FMNL2: variants seen among roughly 807,000 people sequenced by gnomAD.
FMNL2 encodes formin-like protein 2.
In FMNL2, 51 loss-of-function variants were observed where a neutral mutation model predicts 130.2. The ratio of observed to expected loss-of-function variants is 0.39; its 90% CI spans 0.31 to 0.49. FMNL2 has a LOEUF of 0.49. FMNL2 is among the 20% of genes least tolerant of loss of function. The pLI, the probability that FMNL2 is intolerant of heterozygous loss-of-function variation, is 0.85. For synonymous variants in FMNL2, 465 were observed against 467.1 expected, an observed-to-expected ratio of 1.00 and a Z score of 0.06; for missense variants, 977 against 1,316.2, an observed-to-expected ratio of 0.74 and a Z score of 3.99.
intron 8 of FMNL2, among the ~76,000 whole-genome samples, chr2:152,580,586 A>G (rs1450385583): frequency 6.6e-6 from 1 of 152,164 alleles, no homozygotes; most frequent in Non-Finnish European, 1.5e-5. Flanking sequence ...CAAATACTTA[A>G]TCAATAGTTT....
At chr2:152,396,691 C>A (rs1298958359) in intron 1 of FMNL2, among the ~76,000 whole-genome samples, 1 of 151,936 alleles carries the variant, frequency 6.6e-6, no homozygotes, top group African/African-American at 2.4e-5. Flanking sequence ...TTTAACTCTC[C>A]CCTCTCTCCC....
At chr2:152,474,676 A>C (rs1690047669) in intron 1 of FMNL2, among the ~76,000 whole-genome samples, 1 of 151,814 alleles carries the variant, frequency 6.6e-6, no homozygotes, top group South Asian at 2.1e-4. Flanking sequence ...ATGGAGCAAG[A>C]CTCTGTCTAA....
chr2:152,588,715 T>C (rs1399368178), intron 9 of FMNL2, among the ~76,000 whole-genome samples: 1 of 152,018 alleles, frequency 6.6e-6, no homozygotes, highest in Non-Finnish European at 1.5e-5. Flanking sequence ...TTAAAGAGCT[T>C]AGGGCATGGG....
intron 1 of FMNL2, among the ~76,000 whole-genome samples, chr2:152,349,330 A>G (rs568333166): frequency 1.3e-5 from 2 of 152,308 alleles, no homozygotes; most frequent in Non-Finnish European, 2.9e-5. Flanking sequence ...ATTATCGTTG[A>G]TGCTCATGAC....
At chr2:152,479,343 C>A (rs940629834) in intron 1 of FMNL2, among the ~76,000 whole-genome samples, 1 of 152,118 alleles carries the variant, frequency 6.6e-6, no homozygotes, top group African/African-American at 2.4e-5. Flanking sequence ...TGAGGTATCA[C>A]CATGTTGCCT....
At chr2:152,554,684 A>G (rs774304986) in intron 4 of FMNL2, among the ~76,000 whole-genome samples, 3 of 152,184 alleles carry the variant, frequency 2.0e-5, no homozygotes, top group African/African-American at 4.8e-5. Context: ...TTTTGTTTGA[A>G]AGCTCAAAGT....
At chr2:152,368,936 G>C (rs1245511979) in intron 1 of FMNL2, among the ~76,000 whole-genome samples, 1 of 152,024 alleles carries the variant, frequency 6.6e-6, no homozygotes, top group East Asian at 1.9e-4. Flanking sequence ...TTTTGTGTGT[G>C]TGTTTTTTAA....
At chr2:152,535,701 C>T (rs1463085244) in intron 2 of FMNL2, among the ~76,000 whole-genome samples, 1 of 152,146 alleles carries the variant, frequency 6.6e-6, no homozygotes, top group Non-Finnish European at 1.5e-5. Context: ...TGTTTTCATC[C>T]AATAATGACC....
At chr2:152,609,542 T>A (rs1190800367) in intron 10 of FMNL2, among the ~76,000 whole-genome samples, 2 of 152,220 alleles carry the variant, frequency 1.3e-5, no homozygotes, top group Admixed American at 6.5e-5. Flanking sequence ...ACCATTTTGT[T>A]TCTTTAAAAA....
intron 1 of FMNL2, among the ~76,000 whole-genome samples, chr2:152,442,960 T>G (rs1688129793): frequency 1.3e-5 from 2 of 152,198 alleles, no homozygotes; most frequent in Admixed American, 1.3e-4. Context: ...CATACTCATT[T>G]AGAGGGATCG....
At chr2:152,632,676 A>T (rs1417764594) in intron 21 of FMNL2, among the ~76,000 whole-genome samples, 1 of 152,176 alleles carries the variant, frequency 6.6e-6, no homozygotes, top group African/African-American at 2.4e-5. Flanking sequence ...AGGTGAGAAA[A>T]TTGAGATTTT....
chr2:152,442,300 G>A (rs914246616), intron 1 of FMNL2, among the ~76,000 whole-genome samples: 5 of 150,488 alleles, frequency 3.3e-5, no homozygotes, highest in African/African-American at 1.2e-4. Flanking sequence ...TGCCCAGGCT[G>A]GAGTGCAATG....
intron 1 of FMNL2, among the ~76,000 whole-genome samples, chr2:152,370,161 C>T (rs987074115): frequency 2.0e-5 from 3 of 150,988 alleles, no homozygotes; most frequent in African/African-American, 7.3e-5. Context: ...GCTTGAACAA[C>T]AAACTTTGAT....
intron 12 of FMNL2, 37 bp from the exon 13 acceptor site, chr2:152,617,054 C>G: frequency 6.3e-7 from 1 of 1,575,272 alleles, no homozygotes; most frequent in Non-Finnish European, 8.7e-7. Context: ...TCAAGATGAT[C>G]CTGTATTGTG....
rs35773838 is a variant in FMNL2, at chr2:152,426,681, A to ATT, written c.117+90973_117+90974dup. 2.2e-3 allele frequency among the ~76,000 whole-genome samples: 322 copies of ATT among 148,022 alleles called. 1 individual carries two copies. Among genetic ancestry groups the ATT allele is most frequent in the African/African-American group, 6.9e-3 (280 of 40,494 alleles). The stretch of plus-strand genomic sequence containing the variant: ...ATTCTGATGGGCAGCTGATACTGAG[A>ATT]TTTTTTTTTTTTTGAGAAACACAGA... On this transcript the variant is annotated intron_variant, in intron 1 of 25. Coordinates refer to ENST00000288670, the MANE Select transcript of FMNL2 (RefSeq NM_052905.4).
chr2:152,623,096 A>G (rs1326906767), intron 15 of FMNL2, among the ~76,000 whole-genome samples: 1 of 152,170 alleles, frequency 6.6e-6, no homozygotes, highest in African/African-American at 2.4e-5. Flanking sequence ...TTCTGATCTC[A>G]GGCTTATTCC....
At chr2:152,620,570 C>G (rs555726898) in intron 15 of FMNL2, among the ~76,000 whole-genome samples, 4 of 152,176 alleles carry the variant, frequency 2.6e-5, no homozygotes, top group Admixed American at 1.3e-4. Flanking sequence ...TTACTTCAGC[C>G]TGTTCATGAG....
Position 152,558,798 on chromosome 2 carries a change from C to CG in FMNL2, c.418_419insG (p.Leu140ArgfsTer11). On this transcript the variant is annotated frameshift_variant, in exon 5 of 26. Coordinates refer to ENST00000288670, the MANE Select transcript of FMNL2 (RefSeq NM_052905.4). LOFTEE classifies it high-confidence loss of function. ...AGGTCTTGATGTTCTAGTGGAATATCTCTCATTTGCACAGTACGCGGTAAC... is the reference window on the plus strand; with the variant it reads ...AGGTCTTGATGTTCTAGTGGAATATCGTCTCATTTGCACAGTACGCGGTAAC... 6.2e-7 allele frequency: 1 copy of CG among 1,612,654 alleles called. No individual in the cohort carries two copies. The highest frequency in any genetic ancestry group is 8.5e-7 in the Non-Finnish European group (1 of 1,179,688).
At chr2:152,645,602 T>C (rs1042228765) in intron 25 of FMNL2, 1 of 943,028 alleles carries the variant, frequency 1.1e-6, no homozygotes. Flanking sequence ...TGGCTGAGGG[T>C]AATACTGGTG....
Sources: allele counts gnomAD v4.1 joint callset (sites outside exome capture counted in the v4.1 genomes callset), GRCh38; gene constraint gnomAD v4.1.1; transcripts MANE v1.5; gene names NCBI Gene and HGNC (gene_info 2026-07-23, HGNC 2026-07-21).